MAPDA: variants seen among roughly 807,000 people sequenced by gnomAD.
The protein encoded by MAPDA is N6-Methyl-AMP deaminase, also known as N6,N6-dimethyl-AMP deaminase.
At chr15:43,348,249 T>G in the MAPDA span, among the ~76,000 whole-genome samples, 6 of 152,200 alleles carry the variant, frequency 3.9e-5, no homozygotes, top group Non-Finnish European at 7.3e-5. Context: ...ATGAGCACAC[T>G]ATGTGAGGAA....
the MAPDA span, among the ~76,000 whole-genome samples, chr15:43,348,243 G>A: frequency 5.3e-5 from 8 of 152,194 alleles, no homozygotes; most frequent in African/African-American, 1.9e-4. Context: ...AACATGATGA[G>A]CACACTATGT....
At chr15:43,330,734 C>T in the MAPDA span, 2 of 434,508 alleles carry the variant, frequency 4.6e-6, no homozygotes, top group Non-Finnish European at 8.3e-6. Context: ...TTCCATTTGT[C>T]CCAGAATACG....
the MAPDA span, chr15:43,351,062 TATTTTGCTCC>T: frequency 6.5e-7 from 1 of 1,547,666 alleles, no homozygotes; most frequent in Non-Finnish European, 8.7e-7. Context: ...CCGTGTGAAG[TATTTTGCTCC>T]TTTTTGCTCC....
the MAPDA span, chr15:43,346,117 C>A: frequency 8.6e-7 from 1 of 1,167,752 alleles, no homozygotes; most frequent in Non-Finnish European, 1.2e-6. Context: ...GCCTGTTCTG[C>A]CCTGGATGAC....
the MAPDA span, chr15:43,333,353 C>T: frequency 6.6e-6 from 1 of 151,254 alleles, no homozygotes; most frequent in East Asian, 1.9e-4. Context: ...AAGCTTGAGA[C>T]TGCAGCAAGC....
the MAPDA span, among the ~76,000 whole-genome samples, chr15:43,340,959 G>C: frequency 7.2e-5 from 11 of 152,186 alleles, no homozygotes; most frequent in African/African-American, 2.7e-4. Context: ...CTAAAATGTA[G>C]GTTATTCATT....
At chr15:43,336,621 T>A in the MAPDA span, 1 of 1,567,136 alleles carries the variant, frequency 6.4e-7, no homozygotes, top group Non-Finnish European at 8.6e-7. Context: ...TCATTCATGT[T>A]GCAGATGTTT....
the MAPDA span, among the ~76,000 whole-genome samples, chr15:43,340,774 G>A: frequency 2.6e-5 from 4 of 152,154 alleles, no homozygotes; most frequent in African/African-American, 9.7e-5. Context: ...GGAAACAAAG[G>A]CCTGCAGCAG....
the MAPDA span, among the ~76,000 whole-genome samples, chr15:43,338,383 A>G: frequency 6.6e-6 from 1 of 152,238 alleles, no homozygotes; most frequent in Non-Finnish European, 1.5e-5. Flanking sequence ...TGAAAAAATG[A>G]TACTTGTTAT....
At chr15:43,339,423 TC>T in the MAPDA span, among the ~76,000 whole-genome samples, 1 of 152,206 alleles carries the variant, frequency 6.6e-6, no homozygotes, top group East Asian at 1.9e-4. Context: ...TGCTATGAAT[TC>T]ACCAAGGTAG....
At chr15:43,341,330 G>GC in the MAPDA span, among the ~76,000 whole-genome samples, 4 of 152,154 alleles carry the variant, frequency 2.6e-5, no homozygotes, top group African/African-American at 9.7e-5. Flanking sequence ...GGAGAGAAGA[G>GC]CCAACTCATA....
chr15:43,350,079 T>G, the MAPDA span, among the ~76,000 whole-genome samples: 1,932 of 152,058 alleles, frequency 0.013, 35 homozygotes, highest in East Asian at 0.064. Context: ...CTCTTTTTTT[T>G]GGGGGGCGGG....
chr15:43,348,681 G>A, the MAPDA span, among the ~76,000 whole-genome samples: 7 of 152,202 alleles, frequency 4.6e-5, no homozygotes, highest in South Asian at 1.0e-3. Context: ...GCACAAAGTA[G>A]GTTCTTAATA....
chr15:43,345,994 C>G, the MAPDA span: 103 of 1,613,476 alleles, frequency 6.4e-5, no homozygotes, highest in South Asian at 9.6e-4. Context: ...AGTTATTTTT[C>G]CTACGTACAT....
the MAPDA span, among the ~76,000 whole-genome samples, chr15:43,337,300 A>G: frequency 1.3e-5 from 2 of 149,574 alleles, no homozygotes; most frequent in African/African-American, 2.5e-5. Context: ...AAAAAAAGAG[A>G]AGTATTAGAC....
chr15:43,346,113 T>G, the MAPDA span: 2 of 1,248,570 alleles, frequency 1.6e-6, no homozygotes, highest in Non-Finnish European at 2.2e-6. Flanking sequence ...GAAGGCCTGT[T>G]CTGCCCTGGA....
the MAPDA span, among the ~76,000 whole-genome samples, chr15:43,334,656 TATATATA>T: frequency 1.6e-5 from 2 of 128,410 alleles, no homozygotes; most frequent in African/African-American, 5.2e-5. Context: ...TATATATATA[TATATATA>T]TTTTATCCAA....
the MAPDA span, chr15:43,353,989 A>T: frequency 6.6e-6 from 1 of 152,256 alleles, no homozygotes; most frequent in Non-Finnish European, 1.5e-5. Context: ...TCAGAAGCAC[A>T]GGTAAAACCA....
the MAPDA span, among the ~76,000 whole-genome samples, chr15:43,338,788 T>G: frequency 4.6e-5 from 7 of 152,168 alleles, no homozygotes; most frequent in Admixed American, 4.6e-4. Context: ...TGTTCTTGGA[T>G]GTGGGTTAGG....
Sources: allele counts gnomAD v4.1 joint callset (sites outside exome capture counted in the v4.1 genomes callset), GRCh38; gene constraint gnomAD v4.1.1; transcripts MANE v1.5; gene names NCBI Gene and HGNC (gene_info 2026-07-23, HGNC 2026-07-21).